The following DISC1 variants were observed in gnomAD, a reference collection of about 807,000 sequenced individuals.
The protein encoded by DISC1 is DISC1 scaffold protein.
In DISC1, 57 loss-of-function variants were observed where a neutral mutation model predicts 84.5. The ratio of observed to expected loss-of-function variants is 0.67; its 90% CI spans 0.55 to 0.84. DISC1 has a LOEUF of 0.84. Among genes scored for constraint, DISC1 ranks in the 40% least tolerant of loss-of-function variants. DISC1 has a pLI of 0.00. For missense variants in DISC1, 1,000 were observed against 1,057.8 expected (o/e 0.95, Z 0.76); for synonymous variants, 411 against 415.2 (o/e 0.99, Z 0.12).
At chr1:231,982,439 TTTTACA>T (rs1338497458) in intron 10 of DISC1, among the ~76,000 whole-genome samples, 1 of 152,178 alleles carries the variant, frequency 6.6e-6, no homozygotes, top group Non-Finnish European at 1.5e-5. Context: ...CATTATTTAC[TTTTACA>T]TTTAGCAACT....
At chr1:231,972,029 G>A (rs1481213754) in intron 10 of DISC1, among the ~76,000 whole-genome samples, 1 of 152,218 alleles carries the variant, frequency 6.6e-6, no homozygotes, top group Non-Finnish European at 1.5e-5. Flanking sequence ...CTGGTTATCA[G>A]CTGTGGTTTT....
intron 9 of DISC1, among the ~76,000 whole-genome samples, chr1:231,831,052 G>T (rs1408269230): frequency 6.6e-6 from 1 of 152,168 alleles, no homozygotes; most frequent in Non-Finnish European, 1.5e-5. Context: ...TGACTGCAGT[G>T]GCCTTCTCGG....
chr1:232,028,812 T>C (rs749502210), intron 12 of DISC1, among the ~76,000 whole-genome samples: 6 of 152,196 alleles, frequency 3.9e-5, no homozygotes, highest in Admixed American at 1.3e-4. Flanking sequence ...AACTATTTTG[T>C]AATAAATGCT....
intron 3 of DISC1, among the ~76,000 whole-genome samples, chr1:231,703,590 G>T (rs150842527): frequency 9.7e-4 from 148 of 152,272 alleles, no homozygotes; most frequent in African/African-American, 3.5e-3. Flanking sequence ...GCCCTAGTTT[G>T]TCCCCTGCTC....
chr1:231,850,233 G>T (rs2083792766), intron 9 of DISC1, among the ~76,000 whole-genome samples: 1 of 152,230 alleles, frequency 6.6e-6, no homozygotes, highest in Non-Finnish European at 1.5e-5. Context: ...CCCCTTGGCT[G>T]TCTTTATTGT....
chr1:231,979,524 TTA>T (rs1663300662), intron 10 of DISC1, among the ~76,000 whole-genome samples: 1 of 151,530 alleles, frequency 6.6e-6, no homozygotes, highest in South Asian at 2.1e-4. Flanking sequence ...TTTACTTAAT[TTA>T]TGTTATATTA....
At chr1:231,893,246 G>C (rs2087397409) in intron 9 of DISC1, among the ~76,000 whole-genome samples, 1 of 152,002 alleles carries the variant, frequency 6.6e-6, no homozygotes, top group Admixed American at 6.6e-5. Context: ...GAAGTTAATA[G>C]CAGGAGATAA....
At chr1:231,964,207 C>A (rs544644007) in intron 10 of DISC1, among the ~76,000 whole-genome samples, 7 of 152,062 alleles carry the variant, frequency 4.6e-5, no homozygotes, top group Admixed American at 1.3e-4. Context: ...TACAGGGGTT[C>A]CCAATAAACA....
intron 10 of DISC1, among the ~76,000 whole-genome samples, chr1:232,006,703 A>G (rs1160443561): frequency 6.6e-6 from 1 of 152,204 alleles, no homozygotes; most frequent in East Asian, 1.9e-4. Flanking sequence ...AGAAAAGAAA[A>G]TTCCATTTTC....
chr1:231,795,851 T>C (rs1040674947), intron 7 of DISC1, among the ~76,000 whole-genome samples: 34 of 152,122 alleles, frequency 2.2e-4, no homozygotes, highest in African/African-American at 7.5e-4. Flanking sequence ...ATTGCACCAT[T>C]GCATTCCAGC....
chr1:231,719,784 C>G (rs1471864088), intron 3 of DISC1, among the ~76,000 whole-genome samples: 1 of 152,020 alleles, frequency 6.6e-6, no homozygotes, highest in Non-Finnish European at 1.5e-5. Flanking sequence ...TCTTAGATAA[C>G]CTTAGCGCAC....
chr1:231,672,003 G>T (rs957952446), intron 1 of DISC1, among the ~76,000 whole-genome samples: 3 of 152,162 alleles, frequency 2.0e-5, no homozygotes, highest in Non-Finnish European at 4.4e-5. Flanking sequence ...TTTCACAGAG[G>T]TGTCATTAAC....
At chr1:231,781,668 A>G (rs555682102) in intron 6 of DISC1, among the ~76,000 whole-genome samples, 30 of 152,302 alleles carry the variant, frequency 2.0e-4, no homozygotes, top group African/African-American at 5.5e-4. Flanking sequence ...TGTAATTTAC[A>G]TGTCTTTTGC....
At chr1:231,754,135 C>T (rs2074897670) in intron 4 of DISC1, among the ~76,000 whole-genome samples, 1 of 152,166 alleles carries the variant, frequency 6.6e-6, no homozygotes, top group Middle Eastern at 3.2e-3. Flanking sequence ...CTCTTCCAAC[C>T]TCAGCCCATT....
intron 9 of DISC1, among the ~76,000 whole-genome samples, chr1:231,864,178 CATT>C (rs142811508): frequency 1.5e-4 from 23 of 152,278 alleles, no homozygotes; most frequent in African/African-American, 5.1e-4. Flanking sequence ...TGCAATTTTT[CATT>C]ATTCTCATTT....
chr1:231,947,526 C>T (rs1657469710), intron 9 of DISC1, among the ~76,000 whole-genome samples: 1 of 152,160 alleles, frequency 6.6e-6, no homozygotes, highest in South Asian at 2.1e-4. Context: ...CTGGGCAATA[C>T]CATTCAGGAC....
rs1440933409 is a variant in DISC1, at chr1:231,694,427, T to A, written c.669T>A (p.Arg223=). Residue 223 remains arginine, a synonymous_variant, in exon 2 of 13, where the codon CGT becomes CGA. Coordinates refer to ENST00000439617, the MANE Select transcript of DISC1 (RefSeq NM_018662.3). ...IRLSLGSAGE[R]GEAEGCPPSR... ...TCTCGCTTGGCTCTGCCGGGGAACG[T>A]GGAGAAGCAGAAGGCTGCCCACCAT... 1 of 1,614,062 alleles carries A rather than the reference T, an allele frequency of 6.2e-7. No homozygotes were observed. Among genetic ancestry groups the A allele is most frequent in the Non-Finnish European group, 8.5e-7 (1 of 1,180,040 alleles).
intron 9 of DISC1, among the ~76,000 whole-genome samples, chr1:231,944,502 T>C (rs952923155): frequency 2.6e-5 from 4 of 152,306 alleles, no homozygotes; most frequent in Middle Eastern, 3.4e-3. Flanking sequence ...TTGTCAGATA[T>C]GCTTTGCAGC....
At chr1:231,859,406 T>C (rs1278270355) in intron 9 of DISC1, among the ~76,000 whole-genome samples, 1 of 152,064 alleles carries the variant, frequency 6.6e-6, no homozygotes, top group Non-Finnish European at 1.5e-5. Flanking sequence ...AGGGCCTGTT[T>C]CCAGGTTCAT....
Sources: allele counts gnomAD v4.1 joint callset (sites outside exome capture counted in the v4.1 genomes callset), GRCh38; gene constraint gnomAD v4.1.1; transcripts MANE v1.5; gene names NCBI Gene and HGNC (gene_info 2026-07-23, HGNC 2026-07-21).